The following PTPRO variants were observed in gnomAD, a reference collection of about 807,000 sequenced individuals.
PTPRO encodes the protein protein tyrosine phosphatase receptor type O, also known as receptor-type tyrosine-protein phosphatase O.
A neutral mutation model predicts 145.2 loss-of-function variants in PTPRO; 62 were observed. The ratio of observed to expected loss-of-function variants is 0.43; its 90% confidence interval spans 0.35 to 0.53. The LOEUF (loss-of-function observed/expected upper bound fraction) is 0.53. Ranked by LOEUF, PTPRO falls within the 20% of genes least tolerant of loss-of-function variation. The pLI is 0.01. For synonymous variants in PTPRO, 565 were observed against 514.7 expected (o/e 1.10, Z -1.32); for missense variants, 1,345 against 1,482.7 (o/e 0.91, Z 1.53).
At chr12:15,512,103 TTTTG>T (rs1322510033) in intron 7 of PTPRO, among the ~76,000 whole-genome samples, 2 of 151,810 alleles carry the variant, frequency 1.3e-5, no homozygotes, top group East Asian at 1.9e-4. Context: ...AGCAATGTTT[TTTTG>T]TTTGTTTGTT....
chr12:15,372,230 C>T (rs1342383752), intron 1 of PTPRO, among the ~76,000 whole-genome samples: 1 of 152,132 alleles, frequency 6.6e-6, no homozygotes, highest in East Asian at 1.9e-4. Flanking sequence ...ATTTTCTGCC[C>T]TCTTAGCATG....
At chr12:15,384,915 AG>A (rs1938975378) in intron 1 of PTPRO, among the ~76,000 whole-genome samples, 1 of 152,216 alleles carries the variant, frequency 6.6e-6, no homozygotes, top group South Asian at 2.1e-4. Flanking sequence ...GAACGCTGAA[AG>A]CATTATATCC....
intron 1 of PTPRO, among the ~76,000 whole-genome samples, chr12:15,331,090 T>C (rs1168373366): frequency 6.6e-6 from 1 of 151,152 alleles, no homozygotes; most frequent in Non-Finnish European, 1.5e-5. Context: ...CGGAAGGGGG[T>C]CTTGAGAGGC....
chr12:15,415,362 T>G (rs989733179), intron 1 of PTPRO, among the ~76,000 whole-genome samples: 1 of 149,066 alleles, frequency 6.7e-6, no homozygotes, highest in African/African-American at 2.5e-5. Flanking sequence ...CTTACATAAA[T>G]CAGGGATTTG....
intron 1 of PTPRO, among the ~76,000 whole-genome samples, chr12:15,421,014 T>C (rs1327201763): frequency 6.6e-6 from 1 of 152,222 alleles, no homozygotes; most frequent in Non-Finnish European, 1.5e-5. Flanking sequence ...GGTATGCATA[T>C]ACTGAACACC....
intron 12 of PTPRO, among the ~76,000 whole-genome samples, chr12:15,544,770 A>G (rs1323335946): frequency 2.6e-5 from 4 of 152,202 alleles, no homozygotes; most frequent in Non-Finnish European, 4.4e-5. Flanking sequence ...TAGCAAAGGC[A>G]GTTATAAAGG....
At position 15,336,846 on chromosome 12, in the gene PTPRO, G is replaced by A. The variant is rs118055837; in HGVS notation, c.75+14045G>A. 3.7e-3 allele frequency among the ~76,000 whole-genome samples: 562 copies of A among 152,264 alleles called. 4 individuals carry two copies. Among genetic ancestry groups the A allele is most frequent in the Non-Finnish European group, 5.4e-3 (368 of 68,026 alleles). ...TTTTCCTCTTTGATCCACATAGTCT[G>A]AAGTTGGGATACCATTCTCCTACTT... On this transcript the variant is annotated intron_variant, in intron 1 of 26. Transcript: ENST00000281171.
At chr12:15,581,580 A>T in intron 22 of PTPRO, 99 bp from the exon 23 acceptor site, 2 of 1,405,634 alleles carry the variant, frequency 1.4e-6, no homozygotes, top group Non-Finnish European at 2.0e-6. Flanking sequence ...GGTCCTATCT[A>T]ATTCTTTAGA....
intron 9 of PTPRO, 58 bp from the exon 10 acceptor site, chr12:15,520,143 C>A: frequency 1.7e-6 from 2 of 1,171,302 alleles, no homozygotes; most frequent in Non-Finnish European, 2.6e-6. Flanking sequence ...TAAGTCTACT[C>A]CAAAAATAGT....
At chr12:15,521,580 C>T (rs1378827175) in intron 10 of PTPRO, among the ~76,000 whole-genome samples, 2 of 152,132 alleles carry the variant, frequency 1.3e-5, no homozygotes, top group Non-Finnish European at 2.9e-5. Context: ...ACATCTCAAC[C>T]TGGGACTGCT....
intron 1 of PTPRO, among the ~76,000 whole-genome samples, chr12:15,360,968 A>ACACATGTGTATATACACACACATATATG (rs1938185925): frequency 1.3e-5 from 2 of 148,852 alleles, no homozygotes; most frequent in Admixed American, 1.3e-4. Context: ...ACACATATAT[A>ACACATGTGTATATACACACACATATATG]CACACGTATA....
intron 1 of PTPRO, among the ~76,000 whole-genome samples, chr12:15,323,273 G>A (rs554163063): frequency 6.6e-6 from 1 of 152,118 alleles, no homozygotes; most frequent in African/African-American, 2.4e-5. Context: ...GGACTGCCAG[G>A]GCTACGTTAG....
At chr12:15,589,714 T>C (rs1591776370) in intron 25 of PTPRO, 124 bp downstream of exon 25, 2 of 1,237,378 alleles carry the variant, frequency 1.6e-6, no homozygotes, top group East Asian at 5.0e-5. Flanking sequence ...CATTTTCTTA[T>C]TGTATATGTT....
At chr12:15,495,443 T>A (rs2136458740) in intron 2 of PTPRO, among the ~76,000 whole-genome samples, 1 of 151,060 alleles carries the variant, frequency 6.6e-6, no homozygotes, top group South Asian at 2.1e-4. Flanking sequence ...GGAGTTCTCA[T>A]GTTATTGAAA....
Position 15,580,698 on chromosome 12 carries a change from G to A in PTPRO, c.2999G>A (p.Gly1000Glu). The change falls in exon 22 of 27, where the codon GGA becomes GAA. Residue 1000 changes from glycine (G) to glutamate (E), a missense_variant and splice_region_variant. Around this residue, in one of 3 missense-constraint regions of PTPRO, gnomAD observed 1,130 missense variants for 1,214.7 expected, o/e 0.93. Coordinates refer to ENST00000281171, the MANE Select transcript of PTPRO (RefSeq NM_030667.3). ...ADYINANYIP[G>E]YNSPQEYIAT... ...ATAATTTTGTCACTTATCTTTCAGG[G>A]ATACAACTCACCCCAGGAGTATATT... is the stretch of plus-strand genomic sequence containing the variant. The A allele has an allele frequency of 6.2e-7, 1 of 1,614,056 alleles. No homozygotes were observed. The highest frequency in any genetic ancestry group is 8.5e-7 in the Non-Finnish European group (1 of 1,179,976).
chr12:15,579,082 T>C (rs1944251676), intron 20 of PTPRO, 139 bp downstream of exon 20: 1 of 727,950 alleles, frequency 1.4e-6, no homozygotes, highest in Admixed American at 2.0e-5. Flanking sequence ...ATTGCATTGA[T>C]CTCACTCTCC....
chr12:15,452,696 T>C (rs1195412968), intron 1 of PTPRO, among the ~76,000 whole-genome samples: 1 of 152,028 alleles, frequency 6.6e-6, no homozygotes, highest in Non-Finnish European at 1.5e-5. Context: ...GTTTAACATA[T>C]ACAAGTCAAT....
intron 6 of PTPRO, 132 bp downstream of exon 6, chr12:15,504,201 C>T: frequency 1.0e-6 from 1 of 979,874 alleles, no homozygotes; most frequent in South Asian, 1.5e-5. Context: ...TCAGGAGAGG[C>T]TGAGATCCAC....
chr12:15,515,396 C>T lies in PTPRO; in HGVS notation c.1465-102C>T, dbSNP rs981340982. 1.7e-5 allele frequency: 25 copies of T among 1,471,978 alleles called. No individual in the cohort carries two copies. The African/African-American group carries it at 2.5e-4, about 15-fold the overall frequency. The allele number at this position is 1,471,978 out of a possible 1,614,324, so 91.2% of individuals were successfully genotyped here. On this transcript the variant is annotated intron_variant, in intron 7 of 26. Coordinates refer to ENST00000281171, the MANE Select transcript of PTPRO (RefSeq NM_030667.3). ...AGTAAAGCCTTCTGGATTTCAAAGT[C>T]ATCTGTGATTCCAAAAAGAGTCTCT...
Sources: gnomAD v4.1 joint callset for allele counts (sites outside exome capture counted in the v4.1 genomes callset) on GRCh38, gnomAD v4.1.1 for gene constraint, gnomAD v4.1.1 regional missense constraint, MANE v1.5 for transcripts, NCBI Gene and HGNC (gene_info 2026-07-23, HGNC 2026-07-21) for gene names.